The following PLXND1 variants were observed in gnomAD, a reference collection of about 807,000 sequenced individuals.
The protein encoded by PLXND1 is plexin D1, also known as plexin-D1.
PLXND1 carries 54 observed loss-of-function variants against 197.7 expected under a neutral mutation model. The observed-to-expected ratio is 0.27, with a 90% confidence interval of 0.22 to 0.34. The LOEUF (loss-of-function observed/expected upper bound fraction) is 0.34. Among genes scored for constraint, PLXND1 ranks in the 10% least tolerant of loss-of-function variants. PLXND1 has a pLI of 1.00. For missense variants in PLXND1, 2,127 were observed against 2,699.2 expected (o/e 0.79, Z 4.70); for synonymous variants, 1,180 against 1,161.2 (o/e 1.02, Z -0.33).
In PLXND1 at chr3:129,584,524, G is replaced by A. The variant is rs2085432741; in HGVS notation, c.1890C>T (p.Leu630=). The change falls in exon 6 of 36, where the codon CTC becomes CTT. Residue 630 remains leucine (L), a synonymous_variant. Transcript: ENST00000324093. ...ILQISGSLPS[L]SGMEMACDYG... ...AGTCACAGGCCATCTCCATGCCACT[G>A]AGGCTGGGCAGGCTGCCCGAGATCT... 16 of 1,613,138 alleles carry A rather than the reference G, an allele frequency of 9.9e-6. No individual in the cohort carries two copies. The highest frequency in any genetic ancestry group is 1.3e-5 in the Non-Finnish European group (15 of 1,179,492).
chr3:129,575,941 C>G, intron 9 of PLXND1, 86 bp from the exon 10 acceptor site: 2 of 787,320 alleles, frequency 2.5e-6, no homozygotes, highest in African/African-American at 1.7e-5. Context: ...ACACCACGGG[C>G]TCCTGCTGGG....
In PLXND1 at chr3:129,584,574, G is replaced by A. The variant is rs776111096; in HGVS notation, c.1852-12C>T. 15 of 1,594,110 alleles carry A rather than the reference G, an allele frequency of 9.4e-6. No individual in the cohort carries two copies. The Admixed American group carries it at 1.4e-4, about 14-fold the overall frequency. ...TGCAGGATCATGCCCTGGGGGCAAGGAGCCCTCAGCTCTGGGGGTCCAGGC... is the reference window on the plus strand; with the variant it reads ...TGCAGGATCATGCCCTGGGGGCAAGAAGCCCTCAGCTCTGGGGGTCCAGGC... On this transcript the variant is annotated splice_polypyrimidine_tract_variant and intron_variant, in intron 5 of 35. Transcript: ENST00000324093.
chr3:129,585,472 T>C lies in PLXND1; in HGVS notation c.1851+480A>G, dbSNP rs59487874. On this transcript the variant is annotated intron_variant, in intron 5 of 35. Transcript: ENST00000324093. ...GCCCCCTGCATTGCAGGTTTATCTG[T>C]TTCTGAGAAGGAGAAATTTCAGTCT... Among the ~76,000 whole-genome samples, 2,980 of 152,296 alleles carry C rather than the reference T, an allele frequency of 0.02. 446 individuals carry two copies. In the East Asian group the frequency reaches 0.38, roughly 19 times the overall value.
intron 21 of PLXND1, 22 bp from the exon 22 acceptor site, chr3:129,567,626 G>A (rs374865362): frequency 3.1e-6 from 5 of 1,592,466 alleles, no homozygotes; most frequent in African/African-American, 1.3e-5. Context: ...ACGGACAGCC[G>A]TGAGCGGCCC....
At chr3:129,581,511 C>T in intron 8 of PLXND1, among the ~76,000 whole-genome samples, 1 of 152,228 alleles carries the variant, frequency 6.6e-6, no homozygotes, top group East Asian at 1.9e-4. Flanking sequence ...CACTCTGGCC[C>T]ACCCACAGAG....
Position 129,556,330 on chromosome 3 carries a change from CT to C in PLXND1, c.5759del (p.Glu1920GlyfsTer28). 1 of 1,612,094 alleles carries C rather than the reference CT, an allele frequency of 6.2e-7. No homozygotes were observed. Among genetic ancestry groups the C allele is most frequent in the Non-Finnish European group, 8.5e-7 (1 of 1,178,056 alleles). ...VVALMEDNIYECYSEA is the reference protein window; with the variant it reads ...VVALMEDNIYXCYSEA ...ATGTGTCTCAGGCCTCACTGTAGCACTCGTAGATGTTGTCCTCCATCAAAGC... is the reference window on the plus strand; with the variant it reads ...ATGTGTCTCAGGCCTCACTGTAGCACCGTAGATGTTGTCCTCCATCAAAGC... On this transcript the variant is annotated frameshift_variant, in exon 36 of 36. Coordinates refer to ENST00000324093, the MANE Select transcript of PLXND1 (RefSeq NM_015103.3). LOFTEE classifies it high-confidence loss of function.
intron 1 of PLXND1, among the ~76,000 whole-genome samples, 156 bp downstream of exon 1, chr3:129,605,173 T>C (rs73204273): frequency 0.033 from 4,983 of 152,058 alleles, 114 homozygotes; most frequent in South Asian, 0.065. Context: ...GGGACACCTG[T>C]ATTCTCGCGT....
chr3:129,574,542 AACACCGCTGTGCCCTCC>A, intron 11 of PLXND1, 52 bp from the exon 12 acceptor site: 1 of 1,552,230 alleles, frequency 6.4e-7, no homozygotes, highest in Non-Finnish European at 8.8e-7. Flanking sequence ...TGCATGCCCC[AACACCGCTGTGCCCTCC>A]ACACACAACA....
Position 129,561,727 on chromosome 3 carries a change from G to T in PLXND1, c.4930-18C>A. The T allele has an allele frequency of 6.3e-7, 1 of 1,585,996 alleles. No individual in the cohort carries two copies. The highest frequency in any genetic ancestry group is 8.6e-7 in the Non-Finnish European group (1 of 1,164,428). On this transcript the variant is annotated intron_variant, in intron 28 of 35. Coordinates refer to ENST00000324093, the MANE Select transcript of PLXND1 (RefSeq NM_015103.3). ...TCAGGGATCTGATGGGAGGGGAGAGGCCGAGGTCAGAGGCCGGAGGTTGGG... is the reference window on the plus strand; with the variant it reads ...TCAGGGATCTGATGGGAGGGGAGAGTCCGAGGTCAGAGGCCGGAGGTTGGG...
chr3:129,595,063 G>C (rs562446162), intron 1 of PLXND1, among the ~76,000 whole-genome samples: 1 of 152,246 alleles, frequency 6.6e-6, no homozygotes, highest in African/African-American at 2.4e-5. Flanking sequence ...GGACAGCCCA[G>C]GTAGGTAGGG....
At chr3:129,571,419 A>G in intron 17 of PLXND1, 90 bp downstream of exon 17, 1 of 1,521,402 alleles carries the variant, frequency 6.6e-7, no homozygotes, top group Non-Finnish European at 9.1e-7. Flanking sequence ...AAGAGGGGAC[A>G]GAGATGCAGT....
At chr3:129,594,843 T>C (rs2085596867) in intron 1 of PLXND1, among the ~76,000 whole-genome samples, 1 of 151,200 alleles carries the variant, frequency 6.6e-6, no homozygotes, top group Non-Finnish European at 1.5e-5. Flanking sequence ...AATCTAAAAT[T>C]ATTCCAAAGT....
At chr3:129,584,323 C>T in intron 6 of PLXND1, 62 bp downstream of exon 6, 1 of 1,599,178 alleles carries the variant, frequency 6.3e-7, no homozygotes, top group Non-Finnish European at 8.6e-7. Flanking sequence ...CCTGCCATCC[C>T]CATGCCTGAC....
intron 20 of PLXND1, among the ~76,000 whole-genome samples, chr3:129,568,828 C>A (rs1449405505): frequency 6.6e-6 from 1 of 152,208 alleles, no homozygotes; most frequent in Non-Finnish European, 1.5e-5. Context: ...GGACTACAGG[C>A]ATAAGCCACT....
chr3:129,603,081 G>C (rs6790957), intron 1 of PLXND1, among the ~76,000 whole-genome samples: 1 of 152,226 alleles, frequency 6.6e-6, no homozygotes, highest in East Asian at 1.9e-4. Flanking sequence ...GGCCCAGACC[G>C]GGGACCTTGA....
At chr3:129,575,437 C>T (rs757619538) in intron 11 of PLXND1, 32 bp downstream of exon 11, 20 of 1,400,856 alleles carry the variant, frequency 1.4e-5, no homozygotes, top group African/African-American at 8.5e-5. Context: ...ACTGAGGCCC[C>T]GAGGCCATGT....
chr3:129,575,946 G>T (rs1377068385), intron 9 of PLXND1, 91 bp from the exon 10 acceptor site: 2 of 769,182 alleles, frequency 2.6e-6, no homozygotes, highest in African/African-American at 3.4e-5. Context: ...ACGGGCTCCT[G>T]CTGGGAAAGG....
intron 14 of PLXND1, 45 bp from the exon 15 acceptor site, chr3:129,572,793 G>C: frequency 6.2e-7 from 1 of 1,611,716 alleles, no homozygotes; most frequent in Non-Finnish European, 8.5e-7. Context: ...CAGCCCCCGG[G>C]AGTGTGCGTG....
At chr3:129,594,824 T>C (rs1181883889) in intron 1 of PLXND1, among the ~76,000 whole-genome samples, 1 of 152,058 alleles carries the variant, frequency 6.6e-6, no homozygotes, top group Non-Finnish European at 1.5e-5. Context: ...TCTTTGTAAC[T>C]TTCCTGAAAA....
Sources: gnomAD v4.1 joint callset for allele counts (sites outside exome capture counted in the v4.1 genomes callset) on GRCh38, gnomAD v4.1.1 for gene constraint, MANE v1.5 for transcripts, NCBI Gene and HGNC (gene_info 2026-07-23, HGNC 2026-07-21) for gene names.